SMYD3: variants seen among roughly 807,000 people sequenced by gnomAD.
SMYD3 encodes SET and MYND domain containing 3.
A neutral mutation model predicts 57.7 loss-of-function variants in SMYD3; 36 were observed. The ratio of observed to expected loss-of-function variants is 0.62; its 90% CI spans 0.48 to 0.82. The LOEUF (loss-of-function observed/expected upper bound fraction) is 0.82, where lower values mean the gene tolerates loss of function less well. SMYD3 is among the 40% of genes least tolerant of loss of function. The pLI is 0.00. For synonymous variants in SMYD3, 211 were observed against 195.0 expected, an observed-to-expected ratio of 1.08 and a Z score of -0.68; for missense variants, 515 against 538.8, an observed-to-expected ratio of 0.96 and a Z score of 0.44.
intron 2 of SMYD3, among the ~76,000 whole-genome samples, chr1:246,352,717 A>G (rs563293330): frequency 1.3e-5 from 2 of 152,304 alleles, no homozygotes; most frequent in South Asian, 4.1e-4. Flanking sequence ...GGTAATCAAA[A>G]TGACATACCC....
chr1:245,928,127 G>T (rs1292053652), intron 6 of SMYD3, 94 bp from the exon 7 acceptor site: 2 of 933,692 alleles, frequency 2.1e-6, no homozygotes, highest in Non-Finnish European at 3.3e-6. Context: ...CTTCCTTTGG[G>T]GGGCAGCAGC....
intron 1 of SMYD3, among the ~76,000 whole-genome samples, chr1:246,482,616 C>A (rs1000613707): frequency 6.6e-6 from 1 of 152,192 alleles, no homozygotes; most frequent in Admixed American, 6.5e-5. Flanking sequence ...CCTGCACATA[C>A]AGCGGGATAA....
At chr1:246,104,903 C>CAATGAAA (rs1336053799) in intron 5 of SMYD3, among the ~76,000 whole-genome samples, 1 of 152,060 alleles carries the variant, frequency 6.6e-6, no homozygotes, top group East Asian at 1.9e-4. Context: ...GAGAGCAGAG[C>CAATGAAA]AATGAAAATA....
At chr1:245,815,197 G>T (rs1158096181) in intron 10 of SMYD3, among the ~76,000 whole-genome samples, 1 of 152,148 alleles carries the variant, frequency 6.6e-6, no homozygotes, top group Non-Finnish European at 1.5e-5. Flanking sequence ...ACAACTAAAA[G>T]AGGCCAAACA....
At chr1:245,909,355 T>A (rs971090823) in intron 8 of SMYD3, among the ~76,000 whole-genome samples, 3 of 152,182 alleles carry the variant, frequency 2.0e-5, no homozygotes, top group African/African-American at 7.2e-5. Context: ...ATGGCTTCAC[T>A]GCTGAATTCT....
rs556475541 is a variant in SMYD3, at chr1:246,039,200, T to C, written c.532-109263A>G. 3.3e-5 allele frequency among the ~76,000 whole-genome samples: 5 copies of C among 152,334 alleles called. No individual in the cohort carries two copies. In the South Asian group the frequency reaches 1.0e-3, roughly 32 times the overall value. On this transcript the variant is annotated intron_variant, in intron 5 of 11. Transcript: ENST00000490107. The stretch of plus-strand genomic sequence containing the variant: ...GTGTAATAACAATTTAAAATCTCTC[T>C]TGTTGAATTACAAAAATTATCCTGG...
At chr1:246,329,851 T>C (rs928139864) in intron 4 of SMYD3, among the ~76,000 whole-genome samples, 10 of 152,226 alleles carry the variant, frequency 6.6e-5, no homozygotes, top group African/African-American at 2.2e-4. Context: ...GCAGCAAATT[T>C]ACTGTATGTG....
intron 5 of SMYD3, among the ~76,000 whole-genome samples, chr1:246,120,861 C>T (rs6426278): frequency 0.26 from 39,223 of 152,034 alleles, 5,902 homozygotes; most frequent in East Asian, 0.41. Flanking sequence ...GCAGGGAGCA[C>T]GTATCACACA....
At chr1:246,372,254 C>T (rs1234794049) in intron 1 of SMYD3, among the ~76,000 whole-genome samples, 1 of 152,220 alleles carries the variant, frequency 6.6e-6, no homozygotes, top group African/African-American at 2.4e-5. Flanking sequence ...TGCCTGCTGA[C>T]CCTCCTCTAG....
intron 5 of SMYD3, among the ~76,000 whole-genome samples, chr1:246,179,663 G>A (rs887771143): frequency 3.3e-5 from 5 of 152,198 alleles, no homozygotes; most frequent in African/African-American, 1.2e-4. Context: ...ACTTCTCCTA[G>A]AAGAAGCCAG....
intron 5 of SMYD3, among the ~76,000 whole-genome samples, chr1:246,095,148 T>C (rs1485856139): frequency 1.3e-5 from 2 of 152,186 alleles, no homozygotes; most frequent in Non-Finnish European, 2.9e-5. Flanking sequence ...AATGTGTTTG[T>C]CTGTCTCTCC....
intron 10 of SMYD3, among the ~76,000 whole-genome samples, chr1:245,811,758 G>C (rs2048483373): frequency 6.6e-6 from 1 of 152,130 alleles, no homozygotes; most frequent in South Asian, 2.1e-4. Context: ...TAAAAATCAG[G>C]TGATGTGCTG....
intron 5 of SMYD3, among the ~76,000 whole-genome samples, chr1:245,961,416 C>A (rs1173763217): frequency 2.6e-5 from 4 of 152,134 alleles, no homozygotes; most frequent in African/African-American, 9.7e-5. Context: ...TTCCTTCTCA[C>A]CCTTTCACCC....
intron 1 of SMYD3, among the ~76,000 whole-genome samples, chr1:246,487,426 C>T (rs2068205724): frequency 6.6e-6 from 1 of 151,846 alleles, no homozygotes; most frequent in Non-Finnish European, 1.5e-5. Flanking sequence ...CACCACTGCA[C>T]TCCAGCCTGG....
intron 1 of SMYD3, among the ~76,000 whole-genome samples, chr1:246,458,867 A>G (rs1020485447): frequency 6.6e-6 from 1 of 152,170 alleles, no homozygotes. Context: ...TGCTGAATTA[A>G]CACTTTTGCA....
At chr1:246,071,448 TAAA>T (rs1027282281) in intron 5 of SMYD3, among the ~76,000 whole-genome samples, 5 of 152,200 alleles carry the variant, frequency 3.3e-5, no homozygotes, top group Non-Finnish European at 7.3e-5. Context: ...TTTGTGCAAT[TAAA>T]ATATTTCAAA....
intron 10 of SMYD3, among the ~76,000 whole-genome samples, chr1:245,815,595 C>T (rs956418573): frequency 2.0e-5 from 3 of 152,252 alleles, no homozygotes; most frequent in African/African-American, 7.2e-5. Flanking sequence ...CAGTTATCAA[C>T]ATAGCCAGAT....
intron 10 of SMYD3, among the ~76,000 whole-genome samples, chr1:245,793,487 G>A (rs1031133791): frequency 1.3e-4 from 19 of 151,936 alleles, no homozygotes; most frequent in South Asian, 2.1e-4. Context: ...GGCTTGCTTC[G>A]TCTCTCAAAT....
intron 5 of SMYD3, among the ~76,000 whole-genome samples, chr1:246,240,671 T>C (rs762187739): frequency 6.6e-5 from 10 of 152,232 alleles, no homozygotes; most frequent in Non-Finnish European, 1.5e-4. Context: ...AATCTACAAA[T>C]TACCTTGGGC....
Sources: gnomAD v4.1 joint callset for allele counts (sites outside exome capture counted in the v4.1 genomes callset) on GRCh38, gnomAD v4.1.1 for gene constraint, MANE v1.5 for transcripts, NCBI Gene and HGNC (gene_info 2026-07-23, HGNC 2026-07-21) for gene names.